KLHL4: variants seen among roughly 807,000 people sequenced by gnomAD.
KLHL4 encodes kelch-like protein 4.
A neutral mutation model predicts 45.8 loss-of-function variants in KLHL4; 17 were observed. That is an observed-to-expected ratio of 0.37 (90% CI 0.25 to 0.56). The LOEUF is 0.56. Among genes scored for constraint, KLHL4 ranks in the 20% least tolerant of loss-of-function variants. KLHL4 has a pLI of 0.79. For synonymous variants in KLHL4, 224 were observed against 189.9 expected, an observed-to-expected ratio of 1.18 and a Z score of -1.47; for missense variants, 544 against 544.9, an observed-to-expected ratio of 1.00 and a Z score of 0.02.
intron 9 of KLHL4, among the ~76,000 whole-genome samples, chrX:87,645,822 T>C (rs1343812944): frequency 4.5e-5 from 5 of 111,370 alleles, no homozygotes; most frequent in African/African-American, 1.6e-4. Flanking sequence ...ACATTGTATG[T>C]TCTCGCTGAT....
At chrX:87,569,327 G>A (rs1440198552) in intron 1 of KLHL4, among the ~76,000 whole-genome samples, 2 of 111,146 alleles carry the variant, frequency 1.8e-5, no homozygotes, top group Non-Finnish European at 3.8e-5. Context: ...AACAAGTATT[G>A]GCATCAATGT....
Position 87,541,490 on chromosome X carries a change from C to CAA in KLHL4, c.422+23176_422+23177insAA, listed in dbSNP as rs1491259195. On this transcript the variant is annotated intron_variant, in intron 1 of 10. Transcript: ENST00000373119. ...TGGGTGACAGAGAGAGACTCCATCTCACAAAAAAAAAAAAAAAAAAAAAAG... is the reference window on the plus strand; with the variant it reads ...TGGGTGACAGAGAGAGACTCCATCTCAAACAAAAAAAAAAAAAAAAAAAAAAG... 7.8e-3 allele frequency among the ~76,000 whole-genome samples: 499 copies of CAA among 63,647 alleles called. 17 individuals are homozygous for CAA. Among genetic ancestry groups the CAA allele is most frequent in the Non-Finnish European group, 9.8e-3 (351 of 35,885 alleles). The allele number at this position is 63,647 out of a possible 115,157, so 55.3% of individuals were successfully genotyped here. A position where few individuals can be genotyped will look rare whatever the true frequency, so the allele number is the denominator to read the frequency against.
chrX:87,630,342 A>T lies in KLHL4; in HGVS notation c.1325-1868A>T, dbSNP rs565852332. On this transcript the variant is annotated intron_variant, in intron 6 of 10. Coordinates refer to ENST00000373119, the MANE Select transcript of KLHL4 (RefSeq NM_019117.5). ...GCTGATTTTGTGTAATTGGGATGAA[A>T]TTTTTTTTTCTTTTCTAGCAAATGA... Among the ~76,000 whole-genome samples, 153 of 109,640 alleles carry T rather than the reference A, an allele frequency of 1.4e-3. 1 individual carries two copies. Among genetic ancestry groups the T allele is most frequent in the African/African-American group, 4.0e-3 (121 of 30,207 alleles).
Position 87,653,189 on chromosome X carries a change from T to C in KLHL4, c.1926-11575T>C, listed in dbSNP as rs533154476. The stretch of plus-strand genomic sequence containing the variant: ...TGGGTGTGGACATAGCCAAACCATG[T>C]CATCCATTTTCAGTTAATTTTTGTA... On this transcript the variant is annotated intron_variant, in intron 9 of 10. Coordinates refer to ENST00000373119, the MANE Select transcript of KLHL4 (RefSeq NM_019117.5). Among the ~76,000 whole-genome samples the C allele has an allele frequency of 3.8e-4, 43 of 111,775 alleles. No homozygotes were observed. In the South Asian group the frequency reaches 0.016, roughly 41 times the overall value.
intron 9 of KLHL4, among the ~76,000 whole-genome samples, chrX:87,643,185 A>T (rs1295990033): frequency 8.9e-6 from 1 of 111,955 alleles, no homozygotes; most frequent in African/African-American, 3.2e-5. Context: ...ATTAACCAAG[A>T]AAAGAAGAGA....
chrX:87,612,465 G>C (rs1365433274), intron 1 of KLHL4, among the ~76,000 whole-genome samples: 1 of 111,703 alleles, frequency 9.0e-6, no homozygotes, highest in African/African-American at 3.3e-5. Flanking sequence ...ACATAGCCTA[G>C]TTAAGTGGTA....
chrX:87,660,183 A>AAGTCAT (rs1178592758), intron 9 of KLHL4, among the ~76,000 whole-genome samples: 3 of 111,878 alleles, frequency 2.7e-5, no homozygotes, highest in African/African-American at 9.7e-5. Flanking sequence ...AGACTACAAA[A>AAGTCAT]AGTCATAGAC....
intron 9 of KLHL4, among the ~76,000 whole-genome samples, chrX:87,648,879 C>A (rs1166047832): frequency 1.8e-5 from 2 of 110,722 alleles, no homozygotes; most frequent in Non-Finnish European, 3.8e-5. Context: ...CAATCACTGC[C>A]TCAGATGATA....
In KLHL4 at chrX:87,666,914, T is replaced by G. The variant is rs1924388133; in HGVS notation, c.*380T>G. On this transcript the variant is annotated 3_prime_UTR_variant, in exon 11 of 11. Coordinates refer to ENST00000373119, the MANE Select transcript of KLHL4 (RefSeq NM_019117.5). ...CTTAAAAGTTAAAAACATTTTCAGT[T>G]TTTTTTTAAAAAACGTACTCTTATT... 5.7e-6 allele frequency: 4 copies of G among 703,513 alleles called. No homozygotes were observed. In the African/African-American group the frequency reaches 1.1e-4, roughly 20 times the overall value. The allele number at this position is 703,513 out of a possible 1,213,427, so 58.0% of individuals were successfully genotyped here.
At chrX:87,561,817 T>C (rs1418618745) in intron 1 of KLHL4, among the ~76,000 whole-genome samples, 5 of 108,930 alleles carry the variant, frequency 4.6e-5, no homozygotes, top group Non-Finnish European at 9.5e-5. Context: ...TGAGCTACAG[T>C]AAAATAAATC....
At chrX:87,589,067 C>T (rs959306784) in intron 1 of KLHL4, among the ~76,000 whole-genome samples, 3 of 111,757 alleles carry the variant, frequency 2.7e-5, no homozygotes, top group Admixed American at 9.5e-5. Flanking sequence ...TGCTCAACAT[C>T]ATTGATCATC....
chrX:87,576,149 C>T (rs1275432943), intron 1 of KLHL4, among the ~76,000 whole-genome samples: 1 of 111,451 alleles, frequency 9.0e-6, no homozygotes. Context: ...TTAATAGAAA[C>T]AGTGATAACT....
At chrX:87,536,916 A>T (rs902615736) in intron 1 of KLHL4, among the ~76,000 whole-genome samples, 10 of 111,811 alleles carry the variant, frequency 8.9e-5, no homozygotes, top group Non-Finnish European at 1.3e-4. Flanking sequence ...TTGTAACATA[A>T]GTTTAAAATT....
chrX:87,566,959 A>C (rs1215347370), intron 1 of KLHL4, among the ~76,000 whole-genome samples: 1 of 110,966 alleles, frequency 9.0e-6, no homozygotes, highest in African/African-American at 3.3e-5. Flanking sequence ...AATAACTAAT[A>C]AGTACTACGC....
chrX:87,657,718 G>A (rs1036409611), intron 9 of KLHL4, among the ~76,000 whole-genome samples: 1 of 111,479 alleles, frequency 9.0e-6, no homozygotes, highest in Non-Finnish European at 1.9e-5. Flanking sequence ...TACTAACAAG[G>A]AGAAGTACTC....
rs867781272 is a variant in KLHL4 at position 87,582,597 on chromosome X, T to C, written c.423-31280T>C. Among the ~76,000 whole-genome samples the C allele has an allele frequency of 5.4e-5, 6 of 111,990 alleles. No individual in the cohort carries two copies. In the Middle Eastern group the frequency reaches 0.014, roughly 259 times the overall value. On this transcript the variant is annotated intron_variant, in intron 1 of 10. Transcript: ENST00000373119. ...CAGCACTCTGTGTCCCCAAGTAAAT[T>C]TGAAAGGCAGTCTAGAGCATGATGA...
intron 9 of KLHL4, among the ~76,000 whole-genome samples, chrX:87,661,656 A>G (rs929622660): frequency 1.9e-4 from 21 of 112,130 alleles, no homozygotes; most frequent in African/African-American, 6.5e-4. Flanking sequence ...AAATATTTAC[A>G]TACATATCCT....
At chrX:87,573,835 A>G (rs755735213) in intron 1 of KLHL4, among the ~76,000 whole-genome samples, 4 of 111,924 alleles carry the variant, frequency 3.6e-5, no homozygotes, top group African/African-American at 1.3e-4. Context: ...AAAGTCTTAA[A>G]ATAATTTCAG....
intron 6 of KLHL4, among the ~76,000 whole-genome samples, chrX:87,627,767 C>T (rs376326441): frequency 1.8e-5 from 2 of 111,593 alleles, no homozygotes; most frequent in East Asian, 5.6e-4. Context: ...AGTTATCTTT[C>T]GTTTCTGACT....
Sources: allele counts gnomAD v4.1 joint callset (sites outside exome capture counted in the v4.1 genomes callset), GRCh38; gene constraint gnomAD v4.1.1; transcripts MANE v1.5; gene names NCBI Gene and HGNC (gene_info 2026-07-23, HGNC 2026-07-21).